The following KIF16B variants were observed in gnomAD, a reference collection of about 807,000 sequenced individuals.
KIF16B encodes the protein kinesin-like protein KIF16B.
KIF16B carries 98 observed loss-of-function variants against 156.3 expected under a neutral mutation model. The ratio of observed to expected loss-of-function variants is 0.63; its 90% confidence interval spans 0.53 to 0.74. The LOEUF (loss-of-function observed/expected upper bound fraction) is 0.74. KIF16B is among the 30% of genes least tolerant of loss of function. The probability of loss-of-function intolerance (pLI) is 0.00; values close to 1 mark genes in which losing one functional copy is unlikely to be tolerated. For synonymous variants in KIF16B, 564 were observed against 583.7 expected (o/e 0.97, Z 0.49); for missense variants, 1,421 against 1,606.5 (o/e 0.88, Z 1.97).
chr20:16,365,073 C>A (rs954296390), intron 22 of KIF16B, among the ~76,000 whole-genome samples: 1 of 152,162 alleles, frequency 6.6e-6, no homozygotes, highest in Admixed American at 6.5e-5. Flanking sequence ...AAAATTTATT[C>A]CCTCTGCCCT....
At chr20:16,304,858 T>G (rs1348274834) in intron 25 of KIF16B, among the ~76,000 whole-genome samples, 1 of 152,018 alleles carries the variant, frequency 6.6e-6, no homozygotes, top group Non-Finnish European at 1.5e-5. Flanking sequence ...AAATTTGAGG[T>G]TTGAGAGTAA....
chr20:16,329,051 A>G (rs375648537), intron 24 of KIF16B, among the ~76,000 whole-genome samples: 15 of 152,170 alleles, frequency 9.9e-5, no homozygotes, highest in East Asian at 3.8e-4. Context: ...ATCAGACAGG[A>G]GTTGGCATCT....
intron 1 of KIF16B, among the ~76,000 whole-genome samples, chr20:16,557,281 T>C (rs1427693278): frequency 6.6e-6 from 1 of 151,904 alleles, no homozygotes; most frequent in Non-Finnish European, 1.5e-5. Flanking sequence ...CCCAGGTTCA[T>C]GCGACTCTCC....
chr20:16,463,308 T>C (rs2067398935), intron 12 of KIF16B, among the ~76,000 whole-genome samples: 1 of 152,186 alleles, frequency 6.6e-6, no homozygotes, highest in Non-Finnish European at 1.5e-5. Context: ...ATGATGCTGC[T>C]TCAGAACCAC....
At chr20:16,370,444 T>A in intron 22 of KIF16B, 142 bp downstream of exon 22, 1 of 586,180 alleles carries the variant, frequency 1.7e-6, no homozygotes, top group Non-Finnish European at 2.8e-6. Context: ...TAAGTCCATA[T>A]AATAGCTTGC....
chr20:16,528,354 G>GC lies in KIF16B; in HGVS notation c.117+16dup, dbSNP rs1568647122. ...ATGGGGCTCTTGGAACTTAAGCAAG[G>GC]CCAGGTCATGACTTGCCTTTAAGTT... is the stretch of plus-strand genomic sequence containing the variant. On this transcript the variant is annotated intron_variant, in intron 2 of 25. Coordinates refer to ENST00000354981, the MANE Select transcript of KIF16B (RefSeq NM_024704.5). 1.2e-6 allele frequency: 2 copies of GC among 1,604,600 alleles called. No individual in the cohort carries two copies. The highest frequency in any genetic ancestry group is 3.3e-5 in the Admixed American group (2 of 59,990).
At position 16,418,473 on chromosome 20, in the gene KIF16B, C is replaced by T. The variant is rs2066145026; in HGVS notation, c.1612+8631G>A. Among the ~76,000 whole-genome samples, 4 of 152,130 alleles carry T rather than the reference C, an allele frequency of 2.6e-5. No individual in the cohort carries two copies. The South Asian group carries it at 8.3e-4, about 31-fold the overall frequency. ...ACGGCTTTCATTCCTCAAGGTTCAACAGAAACCAGCCCATTGGAAAGACTT... is the reference window on the plus strand; with the variant it reads ...ACGGCTTTCATTCCTCAAGGTTCAATAGAAACCAGCCCATTGGAAAGACTT... On this transcript the variant is annotated intron_variant, in intron 15 of 25. Transcript: ENST00000354981.
At chr20:16,414,954 C>T (rs1200332870) in intron 15 of KIF16B, among the ~76,000 whole-genome samples, 1 of 152,042 alleles carries the variant, frequency 6.6e-6, no homozygotes, top group Non-Finnish European at 1.5e-5. Flanking sequence ...TGATTTTGCC[C>T]AGTGTTCTGA....
intron 24 of KIF16B, among the ~76,000 whole-genome samples, chr20:16,330,877 T>C (rs1434260309): frequency 2.6e-5 from 4 of 152,248 alleles, no homozygotes; most frequent in African/African-American, 9.6e-5. Flanking sequence ...GGCACGGGAT[T>C]CTAGGCCAGA....
chr20:16,380,185 GGTT>G (rs2065061604), intron 18 of KIF16B, 22 bp from the exon 19 acceptor site: 2 of 1,475,620 alleles, frequency 1.4e-6, no homozygotes, highest in Non-Finnish European at 9.0e-7. Flanking sequence ...AGCACTGACT[GGTT>G]GTTATCTGGT....
chr20:16,444,833 T>C (rs2066890555), intron 12 of KIF16B, among the ~76,000 whole-genome samples: 1 of 152,196 alleles, frequency 6.6e-6, no homozygotes, highest in African/African-American at 2.4e-5. Context: ...CAGTGCTAGC[T>C]GAGAGAAAGC....
chr20:16,410,849 G>A (rs1281178805), intron 15 of KIF16B, among the ~76,000 whole-genome samples: 1 of 152,122 alleles, frequency 6.6e-6, no homozygotes, highest in Non-Finnish European at 1.5e-5. Context: ...ATTTACGCAT[G>A]CCTGCTGCAT....
intron 10 of KIF16B, among the ~76,000 whole-genome samples, chr20:16,503,299 TGGA>T (rs1440438701): frequency 6.6e-6 from 1 of 152,226 alleles, no homozygotes; most frequent in Non-Finnish European, 1.5e-5. Flanking sequence ...CCTCATCACG[TGGA>T]GCTGGACTCT....
At chr20:16,514,885 C>CAAAAAAAAAAAAAAAAAAAA (rs10564862) in intron 4 of KIF16B, among the ~76,000 whole-genome samples, 1 of 60,780 alleles carries the variant, frequency 1.6e-5, no homozygotes, top group Non-Finnish European at 2.9e-5. Context: ...GATTCCATCT[C>CAAAAAAAAAAAAAAAAAAAA]AAAAAAAAAA....
chr20:16,434,890 G>A (rs2066603246), intron 12 of KIF16B, among the ~76,000 whole-genome samples: 1 of 152,132 alleles, frequency 6.6e-6, no homozygotes, highest in African/African-American at 2.4e-5. Context: ...AAACACAGCA[G>A]ATGTCTGGGG....
rs183222833 is a variant in KIF16B at position 16,524,119 on chromosome 20, G to T, written c.231+1973C>A. Among the ~76,000 whole-genome samples, 113 of 152,258 alleles carry T rather than the reference G, an allele frequency of 7.4e-4. 1 individual carries two copies. Among genetic ancestry groups the T allele is most frequent in the African/African-American group, 2.7e-3 (112 of 41,562 alleles). On this transcript the variant is annotated intron_variant, in intron 3 of 25. Coordinates refer to ENST00000354981, the MANE Select transcript of KIF16B (RefSeq NM_024704.5). ...CATTCAGGACATAGGCATGGGCAAA[G>T]ATTTCACGACTAAAACACCAAAAGC... is the stretch of plus-strand genomic sequence containing the variant.
chr20:16,428,872 A>G, intron 14 of KIF16B, 81 bp downstream of exon 14: 1 of 1,106,860 alleles, frequency 9.0e-7, no homozygotes. Flanking sequence ...AATTACTTCA[A>G]TGTCAGTCAT....
At chr20:16,330,800 C>T (rs1408781208) in intron 24 of KIF16B, among the ~76,000 whole-genome samples, 1 of 152,238 alleles carries the variant, frequency 6.6e-6, no homozygotes, top group Non-Finnish European at 1.5e-5. Flanking sequence ...ACTGGTAACT[C>T]AGCAGGCTGT....
At chr20:16,342,444 T>G (rs1197617248) in intron 23 of KIF16B, among the ~76,000 whole-genome samples, 1 of 152,174 alleles carries the variant, frequency 6.6e-6, no homozygotes, top group Non-Finnish European at 1.5e-5. Flanking sequence ...TCAAATTAGG[T>G]AAGAGTTCAG....
Sources: gnomAD v4.1 joint callset for allele counts (sites outside exome capture counted in the v4.1 genomes callset) on GRCh38, gnomAD v4.1.1 for gene constraint, MANE v1.5 for transcripts, NCBI Gene and HGNC (gene_info 2026-07-23, HGNC 2026-07-21) for gene names.